FOXN1: variants seen among roughly 807,000 people sequenced by gnomAD.
The protein encoded by FOXN1 is forkhead box protein N1.
A neutral mutation model predicts 49.0 loss-of-function variants in FOXN1; 15 were observed. The ratio of observed to expected loss-of-function variants is 0.31; its 90% CI spans 0.20 to 0.47. The LOEUF (loss-of-function observed/expected upper bound fraction) is 0.47. FOXN1 is among the 20% of genes least tolerant of loss of function. FOXN1 has a pLI of 1.00. For missense variants in FOXN1, 800 were observed against 842.8 expected (o/e 0.95, Z 0.63); for synonymous variants, 356 against 369.0 (o/e 0.96, Z 0.40).
At chr17:28,533,497 T>G (rs1345021843) in intron 6 of FOXN1, among the ~76,000 whole-genome samples, 1 of 97,918 alleles carries the variant, frequency 1.0e-5, no homozygotes. Flanking sequence ...CCCCCCCCAC[T>G]GCCTGAGGGC....
chr17:28,532,879 G>T (rs1479255290), intron 6 of FOXN1, among the ~76,000 whole-genome samples: 1 of 152,076 alleles, frequency 6.6e-6, no homozygotes. Context: ...GCCATAAAAG[G>T]CCCCAGCGCC....
chr17:28,517,783 TACCTCCACAGGGTACAC>T (rs2069553509), intron 1 of FOXN1, among the ~76,000 whole-genome samples: 1 of 99,362 alleles, frequency 1.0e-5, no homozygotes, highest in Non-Finnish European at 2.0e-5. Context: ...ACAGGATCCA[TACCTCCACAGGGTACAC>T]ACCTCCACAG....
chr17:28,524,134 G>GC, intron 2 of FOXN1, 42 bp downstream of exon 2: 1 of 1,544,830 alleles, frequency 6.5e-7, no homozygotes, highest in South Asian at 1.2e-5. Flanking sequence ...GCCAAGGCCT[G>GC]CGGCTGCCCA....
rs779911152 is a variant in FOXN1 at position 28,535,005 on chromosome 17, C to T, written c.1434C>T (p.His478=). 5.6e-6 allele frequency: 9 copies of T among 1,613,916 alleles called. No individual in the cohort carries two copies. The South Asian group carries it at 9.9e-5, about 18-fold the overall frequency. ...PQPLFPQPDG[H]LELRAQPGTP... ...CATTGTTCCCACAGCCGGACGGGCACCTTGAGCTGCGGGCCCAGCCAGGCA... is the reference window on the plus strand; with the variant it reads ...CATTGTTCCCACAGCCGGACGGGCATCTTGAGCTGCGGGCCCAGCCAGGCA... The change falls in exon 8 of 9, where the codon CAC becomes CAT. Residue 478 remains histidine (H), a synonymous_variant. Coordinates refer to ENST00000579795, the MANE Select transcript of FOXN1 (RefSeq NM_001369369.1).
intron 6 of FOXN1, among the ~76,000 whole-genome samples, chr17:28,533,450 G>C (rs1172082729): frequency 1.3e-5 from 2 of 150,480 alleles, no homozygotes; most frequent in African/African-American, 4.9e-5. Flanking sequence ...GCATGACCAG[G>C]CCTCCTAATG....
chr17:28,506,502 G>C (rs1259058803), intron 1 of FOXN1, 59 bp downstream of exon 1: 2 of 152,346 alleles, frequency 1.3e-5, no homozygotes, highest in African/African-American at 4.8e-5. Flanking sequence ...GCTGGGGCAC[G>C]GGGAGGGCGT....
intron 4 of FOXN1, 137 bp downstream of exon 4, chr17:28,527,498 GC>G (rs2069800686): frequency 1.5e-6 from 1 of 688,626 alleles, no homozygotes. Context: ...TGAACCTTAG[GC>G]TTGGCCACAG....
intron 1 of FOXN1, among the ~76,000 whole-genome samples, chr17:28,512,457 A>G (rs1169123303): frequency 6.6e-6 from 1 of 152,156 alleles, no homozygotes; most frequent in Non-Finnish European, 1.5e-5. Context: ...GCCAGTTCTC[A>G]CCATCAGACT....
chr17:28,518,376 C>T (rs1185549800), intron 1 of FOXN1, among the ~76,000 whole-genome samples: 1 of 152,242 alleles, frequency 6.6e-6, no homozygotes, highest in Non-Finnish European at 1.5e-5. Flanking sequence ...TGTCTCCTGG[C>T]TTCCACTCCT....
intron 1 of FOXN1, among the ~76,000 whole-genome samples, chr17:28,523,728 C>T (rs530464972): frequency 6.6e-6 from 1 of 152,316 alleles, no homozygotes; most frequent in Non-Finnish European, 1.5e-5. Flanking sequence ...CCTTTCTCCA[C>T]AGGGGTCTGA....
intron 1 of FOXN1, among the ~76,000 whole-genome samples, chr17:28,519,042 A>G (rs772028760): frequency 3.3e-5 from 5 of 152,188 alleles, no homozygotes; most frequent in Non-Finnish European, 7.3e-5. Flanking sequence ...ATCTCCACCA[A>G]TTTCACTGGA....
intron 2 of FOXN1, 38 bp from the exon 3 acceptor site, chr17:28,524,465 G>A: frequency 6.4e-7 from 1 of 1,573,988 alleles, no homozygotes; most frequent in Non-Finnish European, 8.7e-7. Flanking sequence ...GCCTGGTTCA[G>A]CCTCCACTCA....
intron 1 of FOXN1, among the ~76,000 whole-genome samples, chr17:28,506,902 G>A (rs1398928211): frequency 6.6e-6 from 1 of 152,250 alleles, no homozygotes. Context: ...GGTGTGTGCA[G>A]ATCAAGGAAT....
chr17:28,515,482 T>C (rs2069475653), intron 1 of FOXN1, among the ~76,000 whole-genome samples: 2 of 149,562 alleles, frequency 1.3e-5, no homozygotes, highest in East Asian at 2.0e-4. Context: ...ACAGGGTACA[T>C]ACTTCCATAG....
chr17:28,525,039 A>AC lies in FOXN1; in HGVS notation c.588+74dup, dbSNP rs1190002587. On this transcript the variant is annotated intron_variant, in intron 3 of 8. Transcript: ENST00000579795. ...TTCCTAGCAGCCTAGAAAGAGTCAGACCTCTGAGACCAAAGTCCCACCTTC... is the reference window on the plus strand; with the variant it reads ...TTCCTAGCAGCCTAGAAAGAGTCAGACCCTCTGAGACCAAAGTCCCACCTTC... The AC allele has an allele frequency of 1.9e-5, 22 of 1,182,346 alleles. No homozygotes were observed. The Admixed American group carries it at 2.5e-4, about 14-fold the overall frequency. 73.2% of individuals were successfully genotyped at this position (1,182,346 alleles called of 1,614,324 possible). A position where few individuals can be genotyped will look rare whatever the true frequency, so the allele number is the denominator to read the frequency against.
chr17:28,529,449 T>C (rs1366767740), intron 5 of FOXN1, among the ~76,000 whole-genome samples: 3 of 152,172 alleles, frequency 2.0e-5, no homozygotes, highest in Non-Finnish European at 2.9e-5. Context: ...GTCTGTGACT[T>C]GACTCAGCAG....
chr17:28,521,497 G>A (rs2069639607), intron 1 of FOXN1, among the ~76,000 whole-genome samples: 1 of 152,254 alleles, frequency 6.6e-6, no homozygotes, highest in African/African-American at 2.4e-5. Context: ...AGGCAGTGAT[G>A]CGGAGCGGGA....
chr17:28,531,701 A>G (rs2069918870), intron 6 of FOXN1, among the ~76,000 whole-genome samples: 1 of 152,116 alleles, frequency 6.6e-6, no homozygotes. Context: ...TCCAAGCCCT[A>G]GTAGACACAA....
intron 1 of FOXN1, among the ~76,000 whole-genome samples, chr17:28,521,862 G>A (rs1268788893): frequency 4.6e-5 from 7 of 152,246 alleles, no homozygotes; most frequent in African/African-American, 1.4e-4. Flanking sequence ...TGGGTACCAC[G>A]GGGCCAATGA....
Sources: gnomAD v4.1 joint callset for allele counts (sites outside exome capture counted in the v4.1 genomes callset) on GRCh38, gnomAD v4.1.1 for gene constraint, MANE v1.5 for transcripts, NCBI Gene and HGNC (gene_info 2026-07-23, HGNC 2026-07-21) for gene names.